The following ITPK1 variants were observed in gnomAD, a reference collection of about 807,000 sequenced individuals.
The protein encoded by ITPK1 is inositol-tetrakisphosphate 1-kinase, also known as inositol 1,3,4-trisphosphate 5/6-kinase.
In ITPK1, 21 loss-of-function variants were observed where a neutral mutation model predicts 45.3. That is an observed-to-expected ratio of 0.46 (90% CI 0.33 to 0.67). ITPK1 has a LOEUF of 0.67. Among genes scored for constraint, ITPK1 ranks in the 30% least tolerant of loss-of-function variants. The pLI is 0.02. For synonymous variants in ITPK1, 258 were observed against 253.6 expected (o/e 1.02, Z -0.16); for missense variants, 474 against 573.5 (o/e 0.83, Z 1.77).
rs537569520 is a variant in ITPK1 at position 93,096,771 on chromosome 14, T to C, written c.95+18298A>G. ...ATGTTCTAGAATGTAGGGGCTCCAATGTTCTAACCTCCTCTTCCAGCTGAG... is the reference window on the plus strand; with the variant it reads ...ATGTTCTAGAATGTAGGGGCTCCAACGTTCTAACCTCCTCTTCCAGCTGAG... On this transcript the variant is annotated intron_variant, in intron 2 of 10. Transcript: ENST00000267615. Among the ~76,000 whole-genome samples, 37 of 152,342 alleles carry C rather than the reference T, an allele frequency of 2.4e-4. No individual in the cohort carries two copies. The Middle Eastern group carries it at 0.01, about 42-fold the overall frequency.
intron 5 of ITPK1, among the ~76,000 whole-genome samples, chr14:92,976,687 G>A (rs1416799520): frequency 6.6e-6 from 1 of 152,252 alleles, no homozygotes; most frequent in African/African-American, 2.4e-5. Context: ...GCATCAACTT[G>A]TGTCATCTTT....
At position 92,941,035 on chromosome 14, in the gene ITPK1, G is replaced by T. The variant is rs895954808; in HGVS notation, c.*526C>A. 5 of 1,235,072 alleles carry T rather than the reference G, an allele frequency of 4.0e-6. No homozygotes were observed. Among genetic ancestry groups the T allele is most frequent in the Non-Finnish European group, 5.2e-6 (5 of 962,304 alleles). The allele number at this position is 1,235,072 out of a possible 1,614,324, so 76.5% of individuals were successfully genotyped here. On this transcript the variant is annotated 3_prime_UTR_variant, in exon 11 of 11. Coordinates refer to ENST00000267615, the MANE Select transcript of ITPK1 (RefSeq NM_014216.6). ...AGGGGTTAGCTGCACACCAGGCAGG[G>T]TGGGGGCTAACAAAGCCTTGGTGGA...
chr14:93,102,957 G>A (rs1021057406), intron 2 of ITPK1, among the ~76,000 whole-genome samples: 10 of 151,904 alleles, frequency 6.6e-5, no homozygotes, highest in African/African-American at 1.9e-4. Flanking sequence ...AAAATTAGCC[G>A]GGCATGGTGG....
intron 8 of ITPK1, among the ~76,000 whole-genome samples, chr14:92,953,951 T>C (rs898613186): frequency 1.3e-5 from 2 of 152,252 alleles, no homozygotes; most frequent in Admixed American, 1.3e-4. Context: ...TGGAGTGCTG[T>C]GGCCCGATCT....
intron 2 of ITPK1, among the ~76,000 whole-genome samples, chr14:93,099,494 G>A (rs1231840906): frequency 6.6e-6 from 1 of 152,186 alleles, no homozygotes; most frequent in Non-Finnish European, 1.5e-5. Context: ...AACTCAGGCA[G>A]CATTTCCCAA....
Position 92,939,609 on chromosome 14 carries a change from G to C in ITPK1, c.*1952C>G. 1,318 of 255,962 alleles carry C rather than the reference G, an allele frequency of 5.1e-3. No individual in the cohort carries two copies. The highest frequency in any genetic ancestry group is 6.9e-3 in the Non-Finnish European group (1,187 of 171,192). 15.9% of individuals were successfully genotyped at this position (255,962 alleles called of 1,614,324 possible). ...CACAGCCCCGCCCCCGCCCCACCAC[G>C]GAGGCCTATGGACGCCACCACGACA... On this transcript the variant is annotated 3_prime_UTR_variant, in exon 11 of 11. Transcript: ENST00000267615.
At chr14:93,020,394 G>T (rs931067190) in intron 3 of ITPK1, among the ~76,000 whole-genome samples, 1 of 152,214 alleles carries the variant, frequency 6.6e-6, no homozygotes, top group Non-Finnish European at 1.5e-5. Flanking sequence ...CTGAACAAGA[G>T]CAGGTCACTG....
intron 3 of ITPK1, chr14:93,068,329 A>C (rs1408884486): frequency 2.0e-5 from 3 of 152,280 alleles, no homozygotes; most frequent in Non-Finnish European, 2.9e-5. Flanking sequence ...ACCACATGGA[A>C]ACACTGTGTG....
chr14:93,006,069 A>G (rs4905032), intron 4 of ITPK1, among the ~76,000 whole-genome samples: 41,524 of 151,992 alleles, frequency 0.27, 5,912 homozygotes, highest in Admixed American at 0.36. Flanking sequence ...CGGCTGGCTG[A>G]GCAGCAGAGG....
chr14:93,027,265 T>C (rs999751630), intron 3 of ITPK1, among the ~76,000 whole-genome samples: 1 of 152,196 alleles, frequency 6.6e-6, no homozygotes, highest in South Asian at 2.1e-4. Flanking sequence ...ATTTACTTAC[T>C]GAAAGTTTGT....
intron 3 of ITPK1, among the ~76,000 whole-genome samples, chr14:93,065,836 G>C (rs1203768940): frequency 2.0e-5 from 3 of 152,228 alleles, no homozygotes; most frequent in Non-Finnish European, 4.4e-5. Flanking sequence ...GGGACATAGG[G>C]ATGGTGGGAA....
rs768559009 is a variant in ITPK1 at position 93,076,668 on chromosome 14, C to T, written c.96-49G>A. The T allele has an allele frequency of 4.3e-6, 7 of 1,612,584 alleles. No homozygotes were observed. Among genetic ancestry groups the T allele is most frequent in the African/African-American group, 2.7e-5 (2 of 74,898 alleles). On this transcript the variant is annotated intron_variant, in intron 2 of 10. Coordinates refer to ENST00000267615, the MANE Select transcript of ITPK1 (RefSeq NM_014216.6). The surrounding 1 kb of genome is among the most constrained non-coding windows in gnomAD (Gnocchi z 4.3). ...AAGCGTTACTCCAGCAGGCTGGACA[C>T]GTCCTTTCCGAAGGTTCCCGACAGC... is the stretch of plus-strand genomic sequence containing the variant.
At chr14:92,994,096 C>A in intron 4 of ITPK1, 99 bp from the exon 5 acceptor site, 1 of 754,906 alleles carries the variant, frequency 1.3e-6, no homozygotes, top group Non-Finnish European at 2.4e-6. Flanking sequence ...CTGTCCTATC[C>A]TCCAGCCCTA....
chr14:93,020,676 G>A (rs1440040519), intron 3 of ITPK1, among the ~76,000 whole-genome samples: 1 of 152,128 alleles, frequency 6.6e-6, no homozygotes, highest in Non-Finnish European at 1.5e-5. Flanking sequence ...GCTGGGGGCT[G>A]CTCTTCCCCC....
At chr14:92,949,227 G>A (rs183228045) in intron 9 of ITPK1, among the ~76,000 whole-genome samples, 1 of 151,962 alleles carries the variant, frequency 6.6e-6, no homozygotes, top group South Asian at 2.1e-4. Flanking sequence ...CTGAGTAGCC[G>A]CAACTACAGG....
intron 2 of ITPK1, among the ~76,000 whole-genome samples, chr14:93,100,534 G>A (rs1472878337): frequency 1.3e-5 from 2 of 149,568 alleles, no homozygotes; most frequent in Non-Finnish European, 3.0e-5. Context: ...GGGGAGAGAG[G>A]AGGGAGAGAG....
At chr14:92,962,177 A>G (rs1047714158) in intron 7 of ITPK1, among the ~76,000 whole-genome samples, 178 bp downstream of exon 7, 1 of 152,230 alleles carries the variant, frequency 6.6e-6, no homozygotes, top group Non-Finnish European at 1.5e-5. Context: ...ATGAAGCCAC[A>G]GCACTCCCGC....
chr14:92,964,555 C>T (rs1429548694), intron 5 of ITPK1, among the ~76,000 whole-genome samples: 1 of 152,240 alleles, frequency 6.6e-6, no homozygotes, highest in Non-Finnish European at 1.5e-5. Flanking sequence ...GCAAACACAC[C>T]GCCCCTGCAA....
At chr14:92,981,489 ACAACCAGGACCACCC>A (rs1363414451) in intron 5 of ITPK1, among the ~76,000 whole-genome samples, 1 of 152,066 alleles carries the variant, frequency 6.6e-6, no homozygotes, top group Non-Finnish European at 1.5e-5. Flanking sequence ...AGCCCCACAG[ACAACCAGGACCACCC>A]CTTCCTGTGG....
Sources: allele counts gnomAD v4.1 joint callset (sites outside exome capture counted in the v4.1 genomes callset), GRCh38; gene constraint gnomAD v4.1.1; non-coding constraint Gnocchi (gnomAD v3.1); transcripts MANE v1.5; gene names NCBI Gene and HGNC (gene_info 2026-07-23, HGNC 2026-07-21).